The following SHANK2 variants were observed in gnomAD, a reference collection of about 807,000 sequenced individuals.
The protein encoded by SHANK2 is SH3 and multiple ankyrin repeat domains 2.
A neutral mutation model predicts 133.7 loss-of-function variants in SHANK2; 43 were observed. That is an observed-to-expected ratio of 0.32 (90% confidence interval 0.25 to 0.41). The LOEUF is 0.41. Among genes scored for constraint, SHANK2 ranks in the 10% least tolerant of loss-of-function variants. SHANK2 has a pLI of 1.00. For missense variants in SHANK2, 1,994 were observed against 2,235.8 expected (o/e 0.89, Z 2.18); for synonymous variants, 1,017 against 952.8 (o/e 1.07, Z -1.24).
intron 17 of SHANK2, among the ~76,000 whole-genome samples, chr11:70,590,769 C>CAA (rs57234694): frequency 7.2e-6 from 1 of 139,706 alleles, no homozygotes; most frequent in African/African-American, 2.6e-5. Context: ...ACTGGGAAAC[C>CAA]AAAAAAAAAA....
chr11:70,486,340 G>T lies in SHANK2; in HGVS notation c.3953C>A (p.Thr1318Asn). The T allele has an allele frequency of 6.2e-7, 1 of 1,613,898 alleles. No individual in the cohort carries two copies. The change falls in exon 25 of 26, where the codon ACC becomes AAC. Residue 1318 changes from threonine (T) to asparagine (N), a missense_variant. By Grantham distance (65) the Thr-to-Asn change is moderately conservative. Transcript: ENST00000601538. This position sits in a 1 kb window ranked among gnomAD's most constrained non-coding sequence, Gnocchi z 8.0. The stretch of plus-strand genomic sequence containing the variant: ...GTTGTCCAGCTTAGTGGCGTCCACG[G>T]TGTGCACCATCAGCAGGCCAGCCGA... ...QKSAGLLMVH[T>N]VDATKLDNAL... is the part of the protein sequence containing the mutation.
chr11:71,142,012 G>A (rs66668954), intron 3 of SHANK2, among the ~76,000 whole-genome samples: 39,967 of 151,858 alleles, frequency 0.26, 5,770 homozygotes, highest in African/African-American at 0.36. Context: ...AAAAGCCCCC[G>A]AGAATGCTTG....
At position 71,056,572 on chromosome 11, in the gene SHANK2, A is replaced by T. The variant is rs1950923740; in HGVS notation, c.1030-14T>A. 1 of 152,212 alleles carries T rather than the reference A, an allele frequency of 6.6e-6. No individual in the cohort carries two copies. Among genetic ancestry groups the T allele is most frequent in the Admixed American group, 6.5e-5 (1 of 15,276 alleles). The allele number at this position is 152,212 out of a possible 1,614,324, so 9.4% of individuals were successfully genotyped here. On this transcript the variant is annotated splice_polypyrimidine_tract_variant and intron_variant, in intron 9 of 25. Transcript: ENST00000601538. The stretch of plus-strand genomic sequence containing the variant: ...TGCACAGCTGTCCTGCAAATAGAAA[A>T]GGAGAAACCTGTTTGTAAAATGGTA...
chr11:70,825,964 G>C (rs2135378272), intron 11 of SHANK2, among the ~76,000 whole-genome samples: 1 of 152,234 alleles, frequency 6.6e-6, no homozygotes, highest in South Asian at 2.1e-4. Flanking sequence ...ATGACAAACA[G>C]AGTGTGCACT....
intron 15 of SHANK2, chr11:70,698,184 C>T (rs905439455): frequency 2.2e-5 from 4 of 178,524 alleles, no homozygotes; most frequent in Non-Finnish European, 3.6e-5. Flanking sequence ...ACACATCAGA[C>T]GAACTCAAAC....
At chr11:70,834,339 G>T (rs537940147) in intron 11 of SHANK2, among the ~76,000 whole-genome samples, 1 of 152,294 alleles carries the variant, frequency 6.6e-6, no homozygotes, top group South Asian at 2.1e-4. Context: ...CTCTAACTCT[G>T]GTCAGACTGA....
chr11:71,245,658 C>A (rs1315337855), intron 1 of SHANK2, among the ~76,000 whole-genome samples: 1 of 152,226 alleles, frequency 6.6e-6, no homozygotes, highest in Non-Finnish European at 1.5e-5. Context: ...CCAGCTGGGC[C>A]ACACGACCTT....
In SHANK2 at chr11:71,178,550, C is replaced by T. The variant is rs74580509; in HGVS notation, c.-12-31212G>A. Among the ~76,000 whole-genome samples, 1,197 of 152,264 alleles carry T rather than the reference C, an allele frequency of 7.9e-3. 21 individuals carry two copies. The highest frequency in any genetic ancestry group is 0.028 in the African/African-American group (1,142 of 41,510). The stretch of plus-strand genomic sequence containing the variant: ...GTGAATGTATTTAATACCACTGAGT[C>T]GTACACTCCTGAATGGTTAAGATGA... On this transcript the variant is annotated intron_variant, in intron 2 of 25. Transcript: ENST00000601538.
chr11:70,474,858 C>T (rs1555149839), intron 25 of SHANK2: 1 of 152,312 alleles, frequency 6.6e-6, no homozygotes, highest in Admixed American at 6.5e-5. Flanking sequence ...CTCCTGTCTC[C>T]ACATCTTCCC....
intron 21 of SHANK2, chr11:70,497,115 A>T: frequency 2.3e-6 from 1 of 443,054 alleles, no homozygotes; most frequent in East Asian, 7.0e-5. Context: ...AGTGTAATTC[A>T]AATGAAAAAG....
At chr11:70,863,846 G>T (rs538006781) in intron 11 of SHANK2, 2 of 457,656 alleles carry the variant, frequency 4.4e-6, no homozygotes, top group Non-Finnish European at 8.8e-6. Context: ...GAGTGAGGAT[G>T]ACGACAGCCA....
At chr11:70,662,384 C>CCGCG (rs1944577089) in intron 15 of SHANK2, among the ~76,000 whole-genome samples, 1 of 152,182 alleles carries the variant, frequency 6.6e-6, no homozygotes, top group South Asian at 2.1e-4. Context: ...GGGCGTCATC[C>CCGCG]CGCGCGAGCA....
chr11:70,840,536 G>A (rs937373075), intron 11 of SHANK2, among the ~76,000 whole-genome samples: 4 of 152,226 alleles, frequency 2.6e-5, no homozygotes, highest in East Asian at 1.9e-4. Flanking sequence ...TGACTCCTGG[G>A]ATTCTAGGGG....
At chr11:71,163,930 G>A (rs35026154) in intron 2 of SHANK2, among the ~76,000 whole-genome samples, 1 of 152,154 alleles carries the variant, frequency 6.6e-6, no homozygotes, top group African/African-American at 2.4e-5. Context: ...AGCAGGTTTA[G>A]GTGTATAGGA....
chr11:71,093,293 C>G (rs1951551005), intron 7 of SHANK2, among the ~76,000 whole-genome samples: 1 of 152,138 alleles, frequency 6.6e-6, no homozygotes, highest in African/African-American at 2.4e-5. Flanking sequence ...CAGTGGAAAA[C>G]CACCTCATTC....
At chr11:71,251,317 A>C (rs1047132656) in intron 1 of SHANK2, among the ~76,000 whole-genome samples, 7 of 151,956 alleles carry the variant, frequency 4.6e-5, no homozygotes, top group Non-Finnish European at 8.8e-5. Context: ...GCCGCGCTGC[A>C]CCCCCACGCC....
chr11:70,936,493 C>G (rs1209066384), intron 10 of SHANK2, among the ~76,000 whole-genome samples: 1 of 152,258 alleles, frequency 6.6e-6, no homozygotes, highest in Admixed American at 6.5e-5. Context: ...GCCTGGGTGA[C>G]AGAGTGAAAC....
intron 10 of SHANK2, among the ~76,000 whole-genome samples, chr11:70,910,330 G>A (rs1239461873): frequency 1.3e-5 from 2 of 152,184 alleles, no homozygotes; most frequent in Non-Finnish European, 2.9e-5. Flanking sequence ...CAGGTCAGAG[G>A]TGTCTGAGGC....
chr11:70,767,290 G>A (rs979716931), intron 14 of SHANK2, among the ~76,000 whole-genome samples: 9 of 152,172 alleles, frequency 5.9e-5, no homozygotes, highest in African/African-American at 1.7e-4. Flanking sequence ...AAAGTTTGGC[G>A]GTTTTTCGAA....
Sources: allele counts gnomAD v4.1 joint callset (sites outside exome capture counted in the v4.1 genomes callset), GRCh38; gene constraint gnomAD v4.1.1; non-coding constraint Gnocchi (gnomAD v3.1); transcripts MANE v1.5; gene names NCBI Gene and HGNC (gene_info 2026-07-23, HGNC 2026-07-21).